The following JPH1 variants were observed in gnomAD, a reference collection of about 807,000 sequenced individuals.
The protein encoded by JPH1 is junctophilin 1, also known as junctophilin-1.
A neutral mutation model predicts 53.6 loss-of-function variants in JPH1; 12 were observed. That is an observed-to-expected ratio of 0.22 (90% CI 0.14 to 0.36). JPH1 has a LOEUF of 0.36. Among genes scored for constraint, JPH1 ranks in the 10% least tolerant of loss-of-function variants. JPH1 has a pLI of 1.00. For missense variants in JPH1, 808 were observed against 905.5 expected, an observed-to-expected ratio of 0.89 and a Z score of 1.38; for synonymous variants, 375 against 363.8, an observed-to-expected ratio of 1.03 and a Z score of -0.35.
Position 74,245,181 on chromosome 8 carries a change from C to CAAA in JPH1, c.1259-9_1259-7dup, listed in dbSNP as rs148651924. The CAAA allele has an allele frequency of 2.1e-3, 2,685 of 1,250,158 alleles. 15 individuals carry two copies. Among genetic ancestry groups the CAAA allele is most frequent in the African/African-American group, 0.016 (916 of 57,298 alleles). The allele number at this position is 1,250,158 out of a possible 1,614,324, so 77.4% of individuals were successfully genotyped here. On this transcript the variant is annotated splice_polypyrimidine_tract_variant and splice_region_variant and intron_variant, in intron 3 of 5. Transcript: ENST00000342232. ...CTGTTTGACGTAATCAGGGCCTGGCCAAAAAAAAAAGAAAAAAGAAAAAAA... is the reference window on the plus strand; with the variant it reads ...CTGTTTGACGTAATCAGGGCCTGGCCAAAAAAAAAAAAAGAAAAAAGAAAAAAA...
At chr8:74,314,137 C>T (rs1451631063) in intron 2 of JPH1, among the ~76,000 whole-genome samples, 1 of 152,202 alleles carries the variant, frequency 6.6e-6, no homozygotes, top group African/African-American at 2.4e-5. Flanking sequence ...TCCCATCTGT[C>T]CATGTCAGGT....
At position 74,321,224 on chromosome 8, in the gene JPH1, T is replaced by C. The variant is rs180833717; in HGVS notation, c.64A>G (p.Lys22Glu). ...GTGCAGATGCCATGCCCGTGCGCCTTGCCCTCCTCCCAGCCGCCGCAGTAG... is the reference window on the plus strand; with the variant it reads ...GTGCAGATGCCATGCCCGTGCGCCTCGCCCTCCTCCCAGCCGCCGCAGTAG... ...GTYCGGWEEG[K>E]AHGHGICTGP... Residue 22 changes from lysine to glutamate, a missense_variant, in exon 1 of 6, where the codon AAG (lysine) becomes GAG (glutamate). This residue lies in a region of JPH1 where 52 missense variants were observed against 93.6 expected (regional missense o/e 0.56). Coordinates refer to ENST00000342232, the MANE Select transcript of JPH1 (RefSeq NM_020647.4). This position sits in a 1 kb window ranked among gnomAD's most constrained non-coding sequence, Gnocchi z 4.3. The C allele has an allele frequency of 6.2e-7, 1 of 1,609,432 alleles. No individual in the cohort carries two copies. The highest frequency in any genetic ancestry group is 8.5e-7 in the Non-Finnish European group (1 of 1,178,290).
At chr8:74,310,083 G>A (rs908860902) in intron 2 of JPH1, among the ~76,000 whole-genome samples, 9 of 152,114 alleles carry the variant, frequency 5.9e-5, no homozygotes, top group African/African-American at 2.2e-4. Context: ...GAAAGACCAT[G>A]GAGCCTGGGC....
intron 2 of JPH1, among the ~76,000 whole-genome samples, chr8:74,294,413 C>T (rs567841220): frequency 4.0e-4 from 61 of 152,290 alleles, no homozygotes; most frequent in African/African-American, 1.3e-3. Context: ...GGTGAGGAAA[C>T]AGGGCCAAAA....
chr8:74,250,894 T>C (rs1806027763), intron 3 of JPH1, among the ~76,000 whole-genome samples: 1 of 152,174 alleles, frequency 6.6e-6, no homozygotes, highest in Non-Finnish European at 1.5e-5. Context: ...AATGTAAATG[T>C]CACATAGGTC....
intron 2 of JPH1, among the ~76,000 whole-genome samples, chr8:74,261,245 CT>C (rs1806387204): frequency 6.6e-6 from 1 of 152,122 alleles, no homozygotes; most frequent in Non-Finnish European, 1.5e-5. Flanking sequence ...AAACTATGGA[CT>C]TTAATACTAA....
chr8:74,315,384 T>C lies in JPH1; in HGVS notation c.616A>G (p.Lys206Glu). The change falls in exon 2 of 6, where the codon AAG becomes GAG. Residue 206 changes from lysine (K) to glutamate (E), a missense_variant. By Grantham distance (56) the Lys-to-Glu change is moderately conservative (BLOSUM62 1). Around this residue, in one of 2 missense-constraint regions of JPH1, gnomAD observed 756 missense variants for 811.9 expected, o/e 0.93. Coordinates refer to ENST00000342232, the MANE Select transcript of JPH1 (RefSeq NM_020647.4). The surrounding 1 kb of genome is among the most constrained non-coding windows in gnomAD (Gnocchi z 6.3). ...NFHADAELAG[K>E]KKGGLFRRGS... ...CTCCGGAAGAGGCCGCCCTTCTTCTTGCCCGCTAGCTCAGCGTCTGCGTGG... is the reference window on the plus strand; with the variant it reads ...CTCCGGAAGAGGCCGCCCTTCTTCTCGCCCGCTAGCTCAGCGTCTGCGTGG... The C allele has an allele frequency of 1.2e-6, 2 of 1,612,616 alleles. No homozygotes were observed. The highest frequency in any genetic ancestry group is 2.2e-5 in the East Asian group (1 of 44,866).
At chr8:74,241,570 A>C (rs1805691559) in intron 4 of JPH1, among the ~76,000 whole-genome samples, 1 of 152,140 alleles carries the variant, frequency 6.6e-6, no homozygotes, top group Non-Finnish European at 1.5e-5. Flanking sequence ...TTCCTTTAAG[A>C]GATTGTCACT....
Position 74,320,894 on chromosome 8 carries a change from C to G in JPH1, c.379+15G>C, listed in dbSNP as rs750465742. On this transcript the variant is annotated intron_variant, in intron 1 of 5. Coordinates refer to ENST00000342232, the MANE Select transcript of JPH1 (RefSeq NM_020647.4). The surrounding 1 kb of genome is among the most constrained non-coding windows in gnomAD (Gnocchi z 4.4). The stretch of plus-strand genomic sequence containing the variant: ...CAGCTCGCGGAGCAGCCGAGCCGCC[C>G]GTTACGCCGCTCACCTCCGTCCCCG... 2 of 1,503,500 alleles carry G rather than the reference C, an allele frequency of 1.3e-6. No homozygotes were observed. Among genetic ancestry groups the G allele is most frequent in the East Asian group, 2.6e-5 (1 of 38,920 alleles). 93.1% of individuals were successfully genotyped at this position (1,503,500 alleles called of 1,614,324 possible). A position where few individuals can be genotyped will look rare whatever the true frequency, so the allele number is the denominator to read the frequency against.
At chr8:74,297,576 G>T (rs184721211) in intron 2 of JPH1, among the ~76,000 whole-genome samples, 2,331 of 152,228 alleles carry the variant, frequency 0.015, 26 homozygotes, top group Middle Eastern at 0.061. Flanking sequence ...CAGAGGTACA[G>T]CCCCAGACCA....
intron 2 of JPH1, among the ~76,000 whole-genome samples, chr8:74,285,964 C>CT (rs1314965546): frequency 6.6e-6 from 1 of 152,158 alleles, no homozygotes. Flanking sequence ...CCATTTTGTA[C>CT]TTTAAAATTT....
intron 4 of JPH1, among the ~76,000 whole-genome samples, chr8:74,241,567 A>G (rs1805691408): frequency 6.6e-6 from 1 of 152,168 alleles, no homozygotes; most frequent in Non-Finnish European, 1.5e-5. Context: ...TTTTTCCTTT[A>G]AGAGATTGTC....
intron 2 of JPH1, among the ~76,000 whole-genome samples, chr8:74,264,648 C>T (rs1806482146): frequency 6.6e-6 from 1 of 152,118 alleles, no homozygotes; most frequent in Admixed American, 6.5e-5. Flanking sequence ...GTATTAATAG[C>T]CACAGAGTAG....
chr8:74,256,247 A>G (rs1040781045), intron 3 of JPH1, among the ~76,000 whole-genome samples: 1 of 152,166 alleles, frequency 6.6e-6, no homozygotes, highest in African/African-American at 2.4e-5. Flanking sequence ...TTGTAGGGAC[A>G]TGGATGAAGC....
At chr8:74,311,594 C>T (rs1227856820) in intron 2 of JPH1, among the ~76,000 whole-genome samples, 3 of 151,840 alleles carry the variant, frequency 2.0e-5, no homozygotes, top group Non-Finnish European at 4.4e-5. Context: ...CATACATATA[C>T]ATGTGCCATG....
intron 3 of JPH1, among the ~76,000 whole-genome samples, chr8:74,253,768 T>C (rs1192003504): frequency 1.3e-5 from 2 of 152,088 alleles, no homozygotes; most frequent in African/African-American, 4.8e-5. Flanking sequence ...TAAACACCTA[T>C]ACACAAATAA....
intron 2 of JPH1, among the ~76,000 whole-genome samples, chr8:74,286,352 T>C (rs564259441): frequency 2.5e-4 from 38 of 152,360 alleles, no homozygotes; most frequent in African/African-American, 8.9e-4. Context: ...AGTGTATACA[T>C]TGCATGATGA....
At chr8:74,269,200 A>C (rs1245447676) in intron 2 of JPH1, among the ~76,000 whole-genome samples, 1 of 152,226 alleles carries the variant, frequency 6.6e-6, no homozygotes, top group Non-Finnish European at 1.5e-5. Flanking sequence ...CTGTTCCTCT[A>C]TCAGGCTTCT....
rs746907435 is a variant in JPH1 at position 74,321,153 on chromosome 8, G to A, written c.135C>T (p.Gly45=). The stretch of plus-strand genomic sequence containing the variant: ...AGGTGTAGCCTCCGACCACCTCGAA[G>A]CCGTGCGACCAGGAGCCCGAGTACT... ...QGEYSGSWSH[G]FEVVGGYTWP... Residue 45 remains glycine (G), a synonymous_variant, in exon 1 of 6, where the codon GGC becomes GGT. Coordinates refer to ENST00000342232, the MANE Select transcript of JPH1 (RefSeq NM_020647.4). This position sits in a 1 kb window ranked among gnomAD's most constrained non-coding sequence, Gnocchi z 4.3. 5 of 1,613,462 alleles carry A rather than the reference G, an allele frequency of 3.1e-6. No individual in the cohort carries two copies. In the Admixed American group the frequency reaches 8.3e-5, roughly 27 times the overall value.
Sources: gnomAD v4.1 joint callset for allele counts (sites outside exome capture counted in the v4.1 genomes callset) on GRCh38, gnomAD v4.1.1 for gene constraint, gnomAD v4.1.1 regional missense constraint, Gnocchi (gnomAD v3.1) non-coding constraint, MANE v1.5 for transcripts, NCBI Gene and HGNC (gene_info 2026-07-23, HGNC 2026-07-21) for gene names.